The following CAMTA1 variants were observed in gnomAD, a reference collection of about 807,000 sequenced individuals.
CAMTA1 encodes calmodulin binding transcription activator 1, also known as calmodulin-binding transcription activator 1.
Under a neutral mutation model 170.9 loss-of-function variants are expected in CAMTA1, and 27 were observed. That is an observed-to-expected ratio of 0.16 (90% CI 0.12 to 0.22). The LOEUF is 0.22. Among genes scored for constraint, CAMTA1 ranks in the 10% least tolerant of loss-of-function variants. The pLI is 1.00. For missense variants in CAMTA1, 1,619 were observed against 2,217.2 expected, an observed-to-expected ratio of 0.73 and a Z score of 5.42; for synonymous variants, 833 against 891.5, an observed-to-expected ratio of 0.93 and a Z score of 1.17.
In CAMTA1 at chr1:7,635,608, C is replaced by CAAAA. The variant is rs767824479; in HGVS notation, c.511-4776_511-4773dup. Among the ~76,000 whole-genome samples, 1 of 90,222 alleles carries CAAAA rather than the reference C, an allele frequency of 1.1e-5. No homozygotes were observed. The highest frequency in any genetic ancestry group is 3.4e-5 in the African/African-American group (1 of 29,378). 59.2% of individuals were successfully genotyped at this position (90,222 alleles called of 152,430 possible). On this transcript the variant is annotated intron_variant, in intron 6 of 22. Coordinates refer to ENST00000303635, the MANE Select transcript of CAMTA1 (RefSeq NM_015215.4). This position sits in a 1 kb window ranked among gnomAD's most constrained non-coding sequence, Gnocchi z 4.4. ...TGGGGGACAGAGCAAGACTCCGTCT[C>CAAAA]AAAAAAAAAAAAAAAAAAATACAGG...
intron 6 of CAMTA1, among the ~76,000 whole-genome samples, chr1:7,472,217 C>A (rs2093345356): frequency 6.6e-6 from 1 of 152,094 alleles, no homozygotes; most frequent in Admixed American, 6.5e-5. Context: ...GACCCTGGGG[C>A]CTTAGGAGAC....
At chr1:7,140,602 G>A (rs910070393) in intron 4 of CAMTA1, among the ~76,000 whole-genome samples, 1 of 152,150 alleles carries the variant, frequency 6.6e-6, no homozygotes, top group Admixed American at 6.5e-5. Flanking sequence ...ACTGTGGACA[G>A]CATCATCTAC....
intron 4 of CAMTA1, among the ~76,000 whole-genome samples, chr1:7,243,277 A>T (rs1341544711): frequency 6.6e-6 from 1 of 152,202 alleles, no homozygotes; most frequent in Non-Finnish European, 1.5e-5. Flanking sequence ...ATCCAGAAAA[A>T]AAATTACTGA....
At chr1:7,471,468 C>T (rs1189638524) in intron 6 of CAMTA1, among the ~76,000 whole-genome samples, 1 of 152,260 alleles carries the variant, frequency 6.6e-6, no homozygotes, top group East Asian at 1.9e-4. Flanking sequence ...AAGAGGCCAC[C>T]TCTTCCCCTC....
In CAMTA1 at chr1:7,768,580, C is replaced by T. The variant is rs2097037671; in HGVS notation, c.*2089C>T. 6.6e-6 allele frequency: 1 copy of T among 152,650 alleles called. No homozygotes were observed. The highest frequency in any genetic ancestry group is 2.1e-4 in the South Asian group (1 of 4,822). 9.5% of individuals were successfully genotyped at this position (152,650 alleles called of 1,614,324 possible). ...AAAACTGGGGTCAGTGCTCTTGGTG[C>T]CTTTTCTATAATTGTACTTGTTTTT... On this transcript the variant is annotated 3_prime_UTR_variant, in exon 23 of 23. Coordinates refer to ENST00000303635, the MANE Select transcript of CAMTA1 (RefSeq NM_015215.4).
chr1:7,396,969 G>A (rs1289041805), intron 5 of CAMTA1, among the ~76,000 whole-genome samples: 1 of 152,120 alleles, frequency 6.6e-6, no homozygotes, highest in Non-Finnish European at 1.5e-5. Flanking sequence ...TTCTGTGTGA[G>A]TGTGTTCTTT....
chr1:7,334,604 G>C (rs1445402285), intron 5 of CAMTA1, among the ~76,000 whole-genome samples: 1 of 152,110 alleles, frequency 6.6e-6, no homozygotes, highest in Non-Finnish European at 1.5e-5. Flanking sequence ...CATCTCCCCC[G>C]GGGGATGTCT....
At chr1:7,599,208 A>G (rs926122944) in intron 6 of CAMTA1, among the ~76,000 whole-genome samples, 9 of 152,256 alleles carry the variant, frequency 5.9e-5, no homozygotes, top group African/African-American at 2.2e-4. Flanking sequence ...TCCTTTCCCC[A>G]TTTCTTGTTT....
rs1009410476 is a variant in CAMTA1, at chr1:7,634,381, C to A, written c.511-6019C>A. Among the ~76,000 whole-genome samples the A allele has an allele frequency of 5.3e-5, 8 of 151,894 alleles. No individual in the cohort carries two copies. Among genetic ancestry groups the A allele is most frequent in the Non-Finnish European group, 2.9e-5 (2 of 67,966 alleles). On this transcript the variant is annotated intron_variant, in intron 6 of 22. Transcript: ENST00000303635. The surrounding 1 kb of genome is among the most constrained non-coding windows in gnomAD (Gnocchi z 6.2). The stretch of plus-strand genomic sequence containing the variant: ...GGCAGCTGTGGGAAGCCTGGAGGGG[C>A]CAAGGGTGCTGAGCAGGAGGTCGGG...
chr1:7,183,650 A>G (rs1652672712), intron 4 of CAMTA1, among the ~76,000 whole-genome samples: 3 of 152,210 alleles, frequency 2.0e-5, no homozygotes, highest in Non-Finnish European at 4.4e-5. Flanking sequence ...TGTGAAAAAG[A>G]AAGAGGATGG....
At chr1:6,879,680 G>C (rs922047969) in intron 3 of CAMTA1, among the ~76,000 whole-genome samples, 3 of 150,590 alleles carry the variant, frequency 2.0e-5, no homozygotes, top group Non-Finnish European at 4.4e-5. Context: ...GCCCACTGGA[G>C]TGCAGTGGCA....
At chr1:7,204,055 G>T (rs1657224936) in intron 4 of CAMTA1, among the ~76,000 whole-genome samples, 1 of 151,678 alleles carries the variant, frequency 6.6e-6, no homozygotes, top group Non-Finnish European at 1.5e-5. Context: ...AGCCAAGATG[G>T]TCTCGATCTC....
chr1:7,342,350 G>T (rs56242696), intron 5 of CAMTA1, among the ~76,000 whole-genome samples: 1 of 152,132 alleles, frequency 6.6e-6, no homozygotes, highest in Admixed American at 6.5e-5. Flanking sequence ...CTCAGCTGGC[G>T]ATTCCTCTCA....
chr1:6,958,702 C>T (rs1162504206), intron 3 of CAMTA1, among the ~76,000 whole-genome samples: 1 of 152,224 alleles, frequency 6.6e-6, no homozygotes, highest in African/African-American at 2.4e-5. Flanking sequence ...AGTCCACCAC[C>T]CCTCTGCAGC....
At chr1:7,533,205 G>C (rs943486569) in intron 6 of CAMTA1, among the ~76,000 whole-genome samples, 5 of 152,178 alleles carry the variant, frequency 3.3e-5, no homozygotes, top group Non-Finnish European at 5.9e-5. Context: ...GTGCCGGATG[G>C]GTCCCGAGCC....
In CAMTA1 at chr1:7,234,176, C is replaced by A. The variant is rs998975048; in HGVS notation, c.303-15315C>A. 6.6e-6 allele frequency among the ~76,000 whole-genome samples: 1 copy of A among 152,210 alleles called. No individual in the cohort carries two copies. The highest frequency in any genetic ancestry group is 1.5e-5 in the Non-Finnish European group (1 of 68,036). ...GGTGAGCCGCTCTCTCGCCCCGTCTCCTGCCCCTGCCCTGTTCTTTGTCTG... is the reference window on the plus strand; with the variant it reads ...GGTGAGCCGCTCTCTCGCCCCGTCTACTGCCCCTGCCCTGTTCTTTGTCTG... On this transcript the variant is annotated intron_variant, in intron 4 of 22. Transcript: ENST00000303635. The surrounding 1 kb of genome is among the most constrained non-coding windows in gnomAD (Gnocchi z 5.0).
At chr1:6,871,893 C>CTGTA in intron 3 of CAMTA1, 2 of 1,404,820 alleles carry the variant, frequency 1.4e-6, no homozygotes, top group Non-Finnish European at 1.8e-6. Flanking sequence ...GGTGTACAAG[C>CTGTA]TGTAACATTT....
At chr1:7,619,733 T>C (rs1373926190) in intron 6 of CAMTA1, among the ~76,000 whole-genome samples, 3 of 151,146 alleles carry the variant, frequency 2.0e-5, no homozygotes, top group African/African-American at 7.3e-5. Context: ...CACTGCAACC[T>C]CCGCCTCCTG....
At chr1:7,038,286 G>T (rs1018228124) in intron 3 of CAMTA1, among the ~76,000 whole-genome samples, 8 of 152,126 alleles carry the variant, frequency 5.3e-5, no homozygotes, top group African/African-American at 1.7e-4. Context: ...ATTCATTGTG[G>T]CATTGTTTGT....
Sources: allele counts gnomAD v4.1 joint callset (sites outside exome capture counted in the v4.1 genomes callset), GRCh38; gene constraint gnomAD v4.1.1; non-coding constraint Gnocchi (gnomAD v3.1); transcripts MANE v1.5; gene names NCBI Gene and HGNC (gene_info 2026-07-23, HGNC 2026-07-21).